Variants in RB1 observed in about 807,000 individuals in gnomAD.
The protein encoded by RB1 is retinoblastoma-associated protein.
In RB1, 18 loss-of-function variants were observed where a neutral mutation model predicts 135.4. The observed-to-expected ratio is 0.13, with a 90% confidence interval of 0.09 to 0.20. The LOEUF (loss-of-function observed/expected upper bound fraction) is 0.20, where lower values mean the gene tolerates loss of function less well. RB1 is among the 10% of genes least tolerant of loss of function. The pLI is 1.00. For missense variants in RB1, 868 were observed against 1,110.0 expected, an observed-to-expected ratio of 0.78 and a Z score of 3.10; for synonymous variants, 365 against 373.2, an observed-to-expected ratio of 0.98 and a Z score of 0.25.
intron 6 of RB1, among the ~76,000 whole-genome samples, chr13:48,349,809 A>G (rs1235524866): frequency 6.6e-6 from 1 of 152,080 alleles, no homozygotes; most frequent in Non-Finnish European, 1.5e-5. Flanking sequence ...CACTTTGCCT[A>G]TAAAGACACA....
chr13:48,366,922 C>A (rs1476029798), intron 9 of RB1, among the ~76,000 whole-genome samples: 1 of 151,906 alleles, frequency 6.6e-6, no homozygotes, highest in African/African-American at 2.4e-5. Context: ...AGTTCAAGAC[C>A]AGCTTGGCCA....
At chr13:48,360,211 A>C in intron 7 of RB1, 84 bp downstream of exon 7, 25 of 1,584,302 alleles carry the variant, frequency 1.6e-5, no homozygotes, top group Non-Finnish European at 2.1e-5. Flanking sequence ...CATGGTTCTA[A>C]GGCTGACAGG....
At chr13:48,345,476 C>T (rs182903048) in intron 4 of RB1, among the ~76,000 whole-genome samples, 30 of 152,190 alleles carry the variant, frequency 2.0e-4, no homozygotes, top group African/African-American at 7.2e-4. Context: ...CCTTCTTTGC[C>T]AGAAAACTTC....
intron 17 of RB1, chr13:48,389,835 T>A (rs1948598213): frequency 1.3e-5 from 2 of 152,216 alleles, no homozygotes; most frequent in African/African-American, 4.8e-5. Context: ...GATAGGAGAT[T>A]CATAGTGAAA....
intron 14 of RB1, 85 bp downstream of exon 14, chr13:48,379,735 G>C (rs1948515525): frequency 6.7e-7 from 1 of 1,503,334 alleles, no homozygotes; most frequent in South Asian, 1.2e-5. Flanking sequence ...GCCGAGGTGG[G>C]CAGATCAGGA....
chr13:48,357,669 G>A (rs1446292752), intron 6 of RB1, among the ~76,000 whole-genome samples: 1 of 151,982 alleles, frequency 6.6e-6, no homozygotes, highest in Admixed American at 6.6e-5. Flanking sequence ...CCAAGTAAAA[G>A]CTATGAGGTG....
intron 17 of RB1, among the ~76,000 whole-genome samples, chr13:48,432,175 G>A (rs1484227502): frequency 2.0e-5 from 3 of 152,122 alleles, no homozygotes; most frequent in Non-Finnish European, 2.9e-5. Flanking sequence ...CTTGAAAGAA[G>A]TGAAGGAATG....
intron 18 of RB1, among the ~76,000 whole-genome samples, chr13:48,453,713 A>G (rs2138328160): frequency 6.6e-6 from 1 of 152,286 alleles, no homozygotes; most frequent in East Asian, 1.9e-4. Flanking sequence ...TGAGGGCTCC[A>G]ATATTTAAAT....
At chr13:48,420,162 A>G (rs986930575) in intron 17 of RB1, among the ~76,000 whole-genome samples, 2 of 152,318 alleles carry the variant, frequency 1.3e-5, no homozygotes, top group Middle Eastern at 3.4e-3. Context: ...AACTGAATCC[A>G]TAGCACATCA....
chr13:48,451,413 G>C (rs1949326327), intron 17 of RB1, among the ~76,000 whole-genome samples: 1 of 152,158 alleles, frequency 6.6e-6, no homozygotes, highest in African/African-American at 2.4e-5. Flanking sequence ...TTTATGTGAT[G>C]AATCACATTT....
chr13:48,317,964 T>TA, intron 2 of RB1: 2 of 443,360 alleles, frequency 4.5e-6, no homozygotes, highest in South Asian at 2.0e-5. Flanking sequence ...GCCAAAAACT[T>TA]ACTAATCTAC....
At chr13:48,402,466 C>T (rs1433720568) in intron 17 of RB1, among the ~76,000 whole-genome samples, 1 of 143,208 alleles carries the variant, frequency 7.0e-6, no homozygotes, top group African/African-American at 2.5e-5. Flanking sequence ...AAGCCTTGAA[C>T]TCTTGGGCTC....
chr13:48,399,191 C>A (rs774864621), intron 17 of RB1, among the ~76,000 whole-genome samples: 1 of 152,008 alleles, frequency 6.6e-6, no homozygotes, highest in South Asian at 2.1e-4. Flanking sequence ...AGATTGTTTT[C>A]GTAGACTGAA....
chr13:48,455,798 T>C (rs1290875146), intron 18 of RB1, among the ~76,000 whole-genome samples: 2 of 152,162 alleles, frequency 1.3e-5, no homozygotes, highest in African/African-American at 4.8e-5. Context: ...TGTGTATAAC[T>C]GAAATCTTAG....
chr13:48,318,558 G>T, intron 2 of RB1: 1 of 712,126 alleles, frequency 1.4e-6, no homozygotes, highest in Non-Finnish European at 2.3e-6. Flanking sequence ...GACCTCGCTG[G>T]CTTTGCCCTG....
rs1949483734 is a variant in RB1 at position 48,473,306 on chromosome 13, C to A, written c.2490-54C>A. The A allele has an allele frequency of 4.8e-6, 7 of 1,447,712 alleles. No homozygotes were observed. The highest frequency in any genetic ancestry group is 6.8e-6 in the Non-Finnish European group (7 of 1,033,286). 89.7% of individuals were successfully genotyped at this position (1,447,712 alleles called of 1,614,324 possible). A position where few individuals can be genotyped will look rare whatever the true frequency, so the allele number is the denominator to read the frequency against. On this transcript the variant is annotated intron_variant, in intron 23 of 26. Transcript: ENST00000267163. The stretch of plus-strand genomic sequence containing the variant: ...AATGATGTATTTATGCTCATCTCTG[C>A]AAAATTGTATATGGTTTTTTATTAC...
chr13:48,387,472 A>G (rs1948579122), intron 17 of RB1, among the ~76,000 whole-genome samples: 1 of 152,176 alleles, frequency 6.6e-6, no homozygotes, highest in African/African-American at 2.4e-5. Flanking sequence ...ATTCATTTAT[A>G]TGAAATGTCC....
At chr13:48,416,942 A>G (rs1365121478) in intron 17 of RB1, among the ~76,000 whole-genome samples, 1 of 152,210 alleles carries the variant, frequency 6.6e-6, no homozygotes, top group Non-Finnish European at 1.5e-5. Context: ...TAAAACTGCC[A>G]TCTCCCTGGG....
intron 7 of RB1, among the ~76,000 whole-genome samples, 200 bp from the exon 8 acceptor site, chr13:48,362,615 G>T (rs957385182): frequency 6.6e-6 from 1 of 152,130 alleles, no homozygotes; most frequent in Non-Finnish European, 1.5e-5. Flanking sequence ...GAGCAGAGTA[G>T]AAGAGGGATG....
Sources: allele counts gnomAD v4.1 joint callset (sites outside exome capture counted in the v4.1 genomes callset), GRCh38; gene constraint gnomAD v4.1.1; transcripts MANE v1.5; gene names NCBI Gene and HGNC (gene_info 2026-07-23, HGNC 2026-07-21).